MCC: variants seen among roughly 807,000 people sequenced by gnomAD.
The protein encoded by MCC is MCC regulator of Wnt signaling pathway.
MCC carries 90 observed loss-of-function variants against 116.2 expected under a neutral mutation model. The ratio of observed to expected loss-of-function variants is 0.77; its 90% CI spans 0.65 to 0.92. MCC has a LOEUF of 0.92. MCC is among the 40% of genes least tolerant of loss of function. MCC has a pLI of 0.00. For missense variants in MCC, 1,516 were observed against 1,312.2 expected, an observed-to-expected ratio of 1.16 and a Z score of -2.40; for synonymous variants, 578 against 510.5, an observed-to-expected ratio of 1.13 and a Z score of -1.78.
chr5:113,418,829 A>T (rs558644384), intron 1 of MCC, among the ~76,000 whole-genome samples: 16 of 152,318 alleles, frequency 1.1e-4, no homozygotes, highest in Admixed American at 2.6e-4. Flanking sequence ...TTTCCTGACA[A>T]GTTGCAGACA....
chr5:113,201,127 T>C (rs1762656522), intron 3 of MCC, among the ~76,000 whole-genome samples: 1 of 152,092 alleles, frequency 6.6e-6, no homozygotes, highest in Non-Finnish European at 1.5e-5. Flanking sequence ...GGCTCAGGCC[T>C]GCAATCCCAG....
At chr5:113,393,831 T>C (rs1477720429) in intron 1 of MCC, among the ~76,000 whole-genome samples, 2 of 152,202 alleles carry the variant, frequency 1.3e-5, no homozygotes, top group Admixed American at 6.5e-5. Flanking sequence ...TTAAACTCTG[T>C]CTTCTGGTTT....
At chr5:113,467,026 G>A (rs1415828546) in intron 1 of MCC, among the ~76,000 whole-genome samples, 1 of 150,906 alleles carries the variant, frequency 6.6e-6, no homozygotes, top group Non-Finnish European at 1.5e-5. Flanking sequence ...CTTTTTGATG[G>A]GGTTGTTTGT....
rs187147452 is a variant in MCC at position 113,129,061 on chromosome 5, T to C, written c.885-6235A>G. Reference sequence around the variant, plus strand: ...TAGAGACTCTGGGATGTTTTCTCTCTCTGTCCTCAAATGAGGGGGCATTTT... The same window carrying C: ...TAGAGACTCTGGGATGTTTTCTCTCCCTGTCCTCAAATGAGGGGGCATTTT... On this transcript the variant is annotated intron_variant, in intron 5 of 18. Transcript: ENST00000408903. Among the ~76,000 whole-genome samples, 68 of 152,306 alleles carry C rather than the reference T, an allele frequency of 4.5e-4. No homozygotes were observed. The East Asian group carries it at 0.012, about 26-fold the overall frequency.
At chr5:113,220,595 T>A (rs1190408459) in intron 3 of MCC, among the ~76,000 whole-genome samples, 1 of 152,204 alleles carries the variant, frequency 6.6e-6, no homozygotes, top group South Asian at 2.1e-4. Flanking sequence ...ATGATACTGT[T>A]TTAGAATTTC....
chr5:113,131,404 T>C (rs1324450333), intron 5 of MCC, among the ~76,000 whole-genome samples: 3 of 152,212 alleles, frequency 2.0e-5, no homozygotes, highest in Admixed American at 2.0e-4. Flanking sequence ...GTGCGTGTTA[T>C]ATGATCAGAT....
At chr5:113,113,731 AC>A (rs1757233172) in intron 6 of MCC, among the ~76,000 whole-genome samples, 1 of 151,806 alleles carries the variant, frequency 6.6e-6, no homozygotes, top group Non-Finnish European at 1.5e-5. Context: ...ATTCTATGAT[AC>A]CACTAACCTG....
intron 5 of MCC, 154 bp from the exon 6 acceptor site, chr5:113,122,980 T>A: frequency 1.3e-6 from 1 of 751,368 alleles, no homozygotes; most frequent in Non-Finnish European, 2.2e-6. Flanking sequence ...GCGAAATAGA[T>A]AGTCACATCT....
chr5:113,221,027 A>G (rs1056605348), intron 3 of MCC, among the ~76,000 whole-genome samples: 1 of 152,180 alleles, frequency 6.6e-6, no homozygotes, highest in African/African-American at 2.4e-5. Flanking sequence ...GCATGGCAAA[A>G]CCATGTCTCT....
At position 113,378,351 on chromosome 5, in the gene MCC, A is replaced by C. The variant is rs1274167920; in HGVS notation, c.415+6617T>G. Among the ~76,000 whole-genome samples, 3 of 152,164 alleles carry C rather than the reference A, an allele frequency of 2.0e-5. No individual in the cohort carries two copies. In the East Asian group the frequency reaches 5.8e-4, roughly 29 times the overall value. On this transcript the variant is annotated intron_variant, in intron 2 of 18. Coordinates refer to ENST00000408903, the MANE Select transcript of MCC (RefSeq NM_001085377.2). ...TTTTTTCCTTAGACCATGGGGCACC[A>C]TCAGAGCAGCAATGAAGGCTGACAC...
chr5:113,073,232 C>G (rs1410673494), intron 11 of MCC, among the ~76,000 whole-genome samples: 1 of 152,166 alleles, frequency 6.6e-6, no homozygotes, highest in Non-Finnish European at 1.5e-5. Context: ...GAGACCATTC[C>G]TTTCTCTTAT....
intron 8 of MCC, among the ~76,000 whole-genome samples, chr5:113,100,366 G>C (rs1756319050): frequency 6.6e-6 from 1 of 151,268 alleles, no homozygotes. Flanking sequence ...TGAGCTCGTT[G>C]AAGCATAGAA....
intron 1 of MCC, among the ~76,000 whole-genome samples, chr5:113,412,489 C>T (rs1041776933): frequency 4.6e-5 from 7 of 152,188 alleles, no homozygotes; most frequent in African/African-American, 1.7e-4. Flanking sequence ...TCCTTCACAT[C>T]CCTTGTAAGT....
At chr5:113,411,056 A>G (rs1046709243) in intron 1 of MCC, among the ~76,000 whole-genome samples, 1 of 152,144 alleles carries the variant, frequency 6.6e-6, no homozygotes, top group African/African-American at 2.4e-5. Flanking sequence ...GAATAGTGCC[A>G]CAATAAACAT....
intron 2 of MCC, among the ~76,000 whole-genome samples, chr5:113,361,013 G>T (rs1768532268): frequency 6.6e-6 from 1 of 152,088 alleles, no homozygotes; most frequent in Non-Finnish European, 1.5e-5. Context: ...CAATGTCTAG[G>T]GGCTTTGCAT....
chr5:113,376,596 CA>C (rs1768986934), intron 2 of MCC, among the ~76,000 whole-genome samples: 2 of 152,016 alleles, frequency 1.3e-5, no homozygotes, highest in Admixed American at 6.6e-5. Context: ...CACACACACA[CA>C]CACACACACA....
intron 16 of MCC, chr5:113,044,480 G>T (rs1349857464): frequency 1.0e-6 from 1 of 983,870 alleles, no homozygotes; most frequent in African/African-American, 1.7e-5. Context: ...GGCATTCATC[G>T]GATGATCTCT....
chr5:113,483,370 C>G (rs770508819), intron 1 of MCC, among the ~76,000 whole-genome samples: 10 of 152,108 alleles, frequency 6.6e-5, no homozygotes, highest in South Asian at 2.1e-4. Flanking sequence ...GTATTGCCAT[C>G]TTAACAAAAA....
chr5:113,473,425 G>A (rs931230780), intron 1 of MCC, among the ~76,000 whole-genome samples: 1 of 152,126 alleles, frequency 6.6e-6, no homozygotes, highest in Non-Finnish European at 1.5e-5. Flanking sequence ...TTGGAAGCCT[G>A]ATGCGGGAGG....
Sources: gnomAD v4.1 joint callset for allele counts (sites outside exome capture counted in the v4.1 genomes callset) on GRCh38, gnomAD v4.1.1 for gene constraint, MANE v1.5 for transcripts, NCBI Gene and HGNC (gene_info 2026-07-23, HGNC 2026-07-21) for gene names.